ZFPM2: variants seen among roughly 807,000 people sequenced by gnomAD.
The protein encoded by ZFPM2 is zinc finger protein, FOG family member 2.
In ZFPM2, 20 loss-of-function variants were observed where a neutral mutation model predicts 98.6. That is an observed-to-expected ratio of 0.20 (90% CI 0.14 to 0.29). ZFPM2 has a LOEUF of 0.29. Among genes scored for constraint, ZFPM2 ranks in the 10% least tolerant of loss-of-function variants. The pLI is 1.00. For missense variants in ZFPM2, 1,310 were observed against 1,388.6 expected (o/e 0.94, Z 0.90); for synonymous variants, 518 against 502.7 (o/e 1.03, Z -0.41).
intron 5 of ZFPM2, among the ~76,000 whole-genome samples, chr8:105,735,130 A>G (rs1489489077): frequency 3.4e-5 from 5 of 148,144 alleles, no homozygotes; most frequent in African/African-American, 1.2e-4. Flanking sequence ...TATATAATGT[A>G]TCTACATCTA....
At chr8:105,536,176 A>G (rs1429519031) in intron 3 of ZFPM2, among the ~76,000 whole-genome samples, 1 of 152,184 alleles carries the variant, frequency 6.6e-6, no homozygotes, top group Non-Finnish European at 1.5e-5. Context: ...AATAAAATGT[A>G]GCCTGACTTC....
chr8:105,441,438 G>C (rs10096221), intron 2 of ZFPM2, among the ~76,000 whole-genome samples: 9 of 78,054 alleles, frequency 1.2e-4, no homozygotes, highest in African/African-American at 5.4e-4. Context: ...GAAAGAAAGA[G>C]AGAGAGAGAG....
chr8:105,348,893 C>T (rs1162741069), intron 1 of ZFPM2, among the ~76,000 whole-genome samples: 4 of 152,110 alleles, frequency 2.6e-5, no homozygotes, highest in African/African-American at 4.8e-5. Context: ...ACACCGTACT[C>T]GACTCTCTGT....
At chr8:105,375,383 A>G (rs1365765852) in intron 1 of ZFPM2, among the ~76,000 whole-genome samples, 1 of 152,204 alleles carries the variant, frequency 6.6e-6, no homozygotes, top group Non-Finnish European at 1.5e-5. Context: ...CTCTATCTGC[A>G]GGAAAGCTGT....
At chr8:105,778,481 A>C (rs1166501223) in intron 5 of ZFPM2, among the ~76,000 whole-genome samples, 2 of 149,566 alleles carry the variant, frequency 1.3e-5, no homozygotes, top group South Asian at 2.1e-4. Context: ...CATGTGTCTG[A>C]GTGCATGCGT....
chr8:105,496,733 AGCACTTTGGGAG>A (rs1242167912), intron 3 of ZFPM2, among the ~76,000 whole-genome samples: 31 of 143,992 alleles, frequency 2.2e-4, no homozygotes, highest in African/African-American at 7.9e-4. Flanking sequence ...CTGTAATCCC[AGCACTTTGGGAG>A]GCCAAGGTGG....
intron 2 of ZFPM2, among the ~76,000 whole-genome samples, chr8:105,432,700 A>G (rs751194649): frequency 2.6e-5 from 4 of 152,218 alleles, no homozygotes; most frequent in Non-Finnish European, 5.9e-5. Context: ...TCTGATGGGA[A>G]TGATATTAGA....
At chr8:105,443,339 A>AAAAAAAC (rs1812305323) in intron 2 of ZFPM2, among the ~76,000 whole-genome samples, 2 of 150,510 alleles carry the variant, frequency 1.3e-5, no homozygotes, top group African/African-American at 4.9e-5. Flanking sequence ...AAAAAAAAAA[A>AAAAAAAC]CTTGGCATTA....
intron 1 of ZFPM2, among the ~76,000 whole-genome samples, chr8:105,355,605 T>C (rs1385563376): frequency 6.6e-6 from 1 of 152,200 alleles, no homozygotes; most frequent in Non-Finnish European, 1.5e-5. Context: ...ATGCTGTTAA[T>C]ATTATCTATT....
rs75825001 is a variant in ZFPM2, at chr8:105,520,142, A to G, written c.302-41221A>G. ...ATTGATGAAAGGATCACAAAGACAG[A>G]TAAATTTAAGTGTTAAATGCATACA... On this transcript the variant is annotated intron_variant, in intron 3 of 7. Coordinates refer to ENST00000407775, the MANE Select transcript of ZFPM2 (RefSeq NM_012082.4). Among the ~76,000 whole-genome samples, 97 of 152,340 alleles carry G rather than the reference A, an allele frequency of 6.4e-4. 1 individual carries two copies. In the East Asian group the frequency reaches 0.018, roughly 28 times the overall value.
intron 4 of ZFPM2, among the ~76,000 whole-genome samples, chr8:105,572,033 CTTTT>C (rs869198147): frequency 4.8e-5 from 5 of 103,372 alleles, no homozygotes; most frequent in Admixed American, 2.4e-4. Flanking sequence ...GGGTAAATTT[CTTTT>C]TTTTTTTTTT....
At chr8:105,472,001 A>G (rs1414692198) in intron 3 of ZFPM2, among the ~76,000 whole-genome samples, 1 of 152,154 alleles carries the variant, frequency 6.6e-6, no homozygotes, top group Non-Finnish European at 1.5e-5. Flanking sequence ...CTTGAGCACC[A>G]TCCCAGATAA....
At chr8:105,683,632 C>T (rs1810664220) in intron 5 of ZFPM2, among the ~76,000 whole-genome samples, 1 of 152,092 alleles carries the variant, frequency 6.6e-6, no homozygotes, top group South Asian at 2.1e-4. Context: ...TTATTATGTC[C>T]ACGCTAACCA....
chr8:105,720,029 G>T (rs1207040663), intron 5 of ZFPM2, among the ~76,000 whole-genome samples: 1 of 151,746 alleles, frequency 6.6e-6, no homozygotes, highest in Non-Finnish European at 1.5e-5. Context: ...ACCTTAACTG[G>T]CAGAAAAAAC....
At chr8:105,442,309 A>C (rs1812270293) in intron 2 of ZFPM2, among the ~76,000 whole-genome samples, 1 of 152,136 alleles carries the variant, frequency 6.6e-6, no homozygotes, top group African/African-American at 2.4e-5. Context: ...GCGCCACTGC[A>C]CTCCAGCCTG....
At chr8:105,443,328 A>AAAAAAAAAAAAAAAAAC (rs1563661173) in intron 2 of ZFPM2, among the ~76,000 whole-genome samples, 5 of 146,470 alleles carry the variant, frequency 3.4e-5, no homozygotes, top group African/African-American at 1.3e-4. Flanking sequence ...ACAAAAAACA[A>AAAAAAAAAAAAAAAAAC]AAAAAAAAAA....
At chr8:105,477,313 C>T (rs1210145660) in intron 3 of ZFPM2, among the ~76,000 whole-genome samples, 1 of 139,116 alleles carries the variant, frequency 7.2e-6, no homozygotes, top group Non-Finnish European at 1.5e-5. Context: ...GGTGCGATCT[C>T]AGCTCACTGC....
chr8:105,720,801 A>C (rs1811643677), intron 5 of ZFPM2, among the ~76,000 whole-genome samples: 1 of 151,898 alleles, frequency 6.6e-6, no homozygotes, highest in African/African-American at 2.4e-5. Context: ...ACCTGGATGA[A>C]ATAAACCTCA....
chr8:105,501,482 G>T (rs1723665769), intron 3 of ZFPM2, among the ~76,000 whole-genome samples: 1 of 147,242 alleles, frequency 6.8e-6, no homozygotes, highest in African/African-American at 2.5e-5. Context: ...ACTGCGCCCA[G>T]CTCAATTTAC....
Sources: gnomAD v4.1 joint callset for allele counts (sites outside exome capture counted in the v4.1 genomes callset) on GRCh38, gnomAD v4.1.1 for gene constraint, MANE v1.5 for transcripts, NCBI Gene and HGNC (gene_info 2026-07-23, HGNC 2026-07-21) for gene names.